The following BABAM2 variants were observed in gnomAD, a reference collection of about 807,000 sequenced individuals.
BABAM2 encodes the protein BRISC and BRCA1-A complex member 2.
Under a neutral mutation model 54.7 loss-of-function variants are expected in BABAM2, and 31 were observed. The observed-to-expected ratio is 0.57, with a 90% CI of 0.43 to 0.77. The LOEUF (loss-of-function observed/expected upper bound fraction) is 0.77, where lower values mean the gene tolerates loss of function less well. Ranked by LOEUF, BABAM2 falls within the 30% of genes least tolerant of loss-of-function variation. BABAM2 has a pLI of 0.00. For synonymous variants in BABAM2, 167 were observed against 162.9 expected (o/e 1.03, Z -0.19); for missense variants, 364 against 455.8 (o/e 0.80, Z 1.83).
chr2:27,923,565 T>A (rs903888188), intron 2 of BABAM2, among the ~76,000 whole-genome samples: 2 of 151,742 alleles, frequency 1.3e-5, no homozygotes, highest in Non-Finnish European at 2.9e-5. Flanking sequence ...CTGCAGTGAG[T>A]TATAATTGTG....
chr2:28,288,914 G>A (rs917580034), intron 10 of BABAM2, among the ~76,000 whole-genome samples: 1 of 151,168 alleles, frequency 6.6e-6, no homozygotes, highest in Non-Finnish European at 1.5e-5. Context: ...GAGCTCAAGG[G>A]CATGGACACC....
At chr2:27,923,389 C>A (rs1034580558) in intron 2 of BABAM2, among the ~76,000 whole-genome samples, 1 of 151,892 alleles carries the variant, frequency 6.6e-6, no homozygotes, top group African/African-American at 2.4e-5. Context: ...GAGGCTGAGG[C>A]GGGAAGATTG....
In BABAM2 at chr2:28,298,233, T is replaced by C. The variant is rs569841463; in HGVS notation, c.935-105T>C. 201 of 1,179,074 alleles carry C rather than the reference T, an allele frequency of 1.7e-4. 1 individual carries two copies. In the South Asian group the frequency reaches 2.8e-3, roughly 17 times the overall value. 73.0% of individuals were successfully genotyped at this position (1,179,074 alleles called of 1,614,324 possible). ...TCATCCAAACTGCAAGCAGTATTTG[T>C]GGTTCAAATAGAGTTTCGTACCTAA... On this transcript the variant is annotated intron_variant, in intron 10 of 11. Transcript: ENST00000379624.
intron 7 of BABAM2, among the ~76,000 whole-genome samples, chr2:28,223,340 A>G (rs1449412020): frequency 6.6e-6 from 1 of 152,130 alleles, no homozygotes; most frequent in African/African-American, 2.4e-5. Context: ...GCCCCCATCC[A>G]GTGTCTGTGT....
chr2:28,248,207 CTT>C (rs780563394), intron 10 of BABAM2, among the ~76,000 whole-genome samples: 1,372 of 54,372 alleles, frequency 0.025, 26 homozygotes, highest in African/African-American at 0.087. Context: ...TTTTCTTTTT[CTT>C]TTTTTTTTTT....
At chr2:28,060,664 T>G (rs1678784410) in intron 6 of BABAM2, among the ~76,000 whole-genome samples, 1 of 152,198 alleles carries the variant, frequency 6.6e-6, no homozygotes, top group African/African-American at 2.4e-5. Context: ...GGTCAATATA[T>G]AAAATCAATT....
intron 8 of BABAM2, among the ~76,000 whole-genome samples, chr2:28,240,415 C>T (rs1295551708): frequency 6.6e-6 from 1 of 152,172 alleles, no homozygotes; most frequent in Non-Finnish European, 1.5e-5. Flanking sequence ...TGAGATTCCA[C>T]ATCTGGACAT....
chr2:28,264,716 A>G (rs555258121), intron 10 of BABAM2, among the ~76,000 whole-genome samples: 221 of 152,318 alleles, frequency 1.5e-3, no homozygotes, highest in African/African-American at 5.1e-3. Flanking sequence ...CAAGGGGACA[A>G]AATACTTCAA....
At chr2:28,018,810 A>G (rs1675038901) in intron 4 of BABAM2, among the ~76,000 whole-genome samples, 1 of 152,236 alleles carries the variant, frequency 6.6e-6, no homozygotes, top group Admixed American at 6.5e-5. Flanking sequence ...TCTTTTGAGA[A>G]TTGTCTATTC....
At chr2:28,141,223 C>G (rs1195180625) in intron 7 of BABAM2, among the ~76,000 whole-genome samples, 1 of 152,124 alleles carries the variant, frequency 6.6e-6, no homozygotes, top group East Asian at 1.9e-4. Flanking sequence ...ATATCACACA[C>G]ATACACACAC....
At chr2:27,919,922 G>A (rs934752496) in intron 2 of BABAM2, among the ~76,000 whole-genome samples, 3 of 152,106 alleles carry the variant, frequency 2.0e-5, no homozygotes, top group African/African-American at 7.2e-5. Flanking sequence ...ACATGAACTG[G>A]CAAACACATT....
At chr2:28,256,832 T>C (rs1684020369) in intron 10 of BABAM2, among the ~76,000 whole-genome samples, 1 of 151,732 alleles carries the variant, frequency 6.6e-6, no homozygotes, top group Non-Finnish European at 1.5e-5. Context: ...ATAGCTGGGA[T>C]TACAGGCGCA....
At chr2:28,028,353 C>G (rs2148575099) in intron 5 of BABAM2, among the ~76,000 whole-genome samples, 1 of 152,202 alleles carries the variant, frequency 6.6e-6, no homozygotes, top group Admixed American at 6.5e-5. Context: ...TTGCTGTATT[C>G]TATTTGTTAG....
intron 7 of BABAM2, among the ~76,000 whole-genome samples, chr2:28,138,581 T>G (rs1218344648): frequency 6.6e-6 from 1 of 152,234 alleles, no homozygotes; most frequent in African/African-American, 2.4e-5. Context: ...TATTGTCTCA[T>G]GCTAGAATAG....
intron 6 of BABAM2, among the ~76,000 whole-genome samples, chr2:28,106,641 G>C (rs1233977752): frequency 1.3e-5 from 2 of 152,208 alleles, no homozygotes; most frequent in Admixed American, 6.5e-5. Flanking sequence ...TCAAGTGGCA[G>C]AGGATATCTG....
chr2:27,911,824 G>C (rs1480983920), intron 2 of BABAM2, among the ~76,000 whole-genome samples: 2 of 152,022 alleles, frequency 1.3e-5, no homozygotes, highest in African/African-American at 4.8e-5. Flanking sequence ...TATATGATTT[G>C]AAACAAATCT....
intron 4 of BABAM2, among the ~76,000 whole-genome samples, chr2:27,990,290 C>G (rs1426025452): frequency 6.6e-6 from 1 of 152,210 alleles, no homozygotes; most frequent in Non-Finnish European, 1.5e-5. Flanking sequence ...AAACACCAGA[C>G]AGGTTAACTA....
At chr2:28,204,232 A>G (rs1678582997) in intron 7 of BABAM2, among the ~76,000 whole-genome samples, 1 of 152,140 alleles carries the variant, frequency 6.6e-6, no homozygotes, top group Non-Finnish European at 1.5e-5. Flanking sequence ...TCCGTCTTTG[A>G]ACAGAAATCC....
At chr2:28,174,383 C>A (rs879298171) in intron 7 of BABAM2, among the ~76,000 whole-genome samples, 1 of 152,160 alleles carries the variant, frequency 6.6e-6, no homozygotes, top group Non-Finnish European at 1.5e-5. Flanking sequence ...TTCAAGAGGG[C>A]TGACTAGACG....
Sources: gnomAD v4.1 joint callset for allele counts (sites outside exome capture counted in the v4.1 genomes callset) on GRCh38, gnomAD v4.1.1 for gene constraint, MANE v1.5 for transcripts, NCBI Gene and HGNC (gene_info 2026-07-23, HGNC 2026-07-21) for gene names.